Variants in VPS26C observed in about 807,000 individuals in gnomAD.
The protein encoded by VPS26C is vacuolar protein sorting-associated protein 26C.
A neutral mutation model predicts 30.6 loss-of-function variants in VPS26C; 19 were observed. The ratio of observed to expected loss-of-function variants is 0.62; its 90% confidence interval spans 0.43 to 0.91. The LOEUF (loss-of-function observed/expected upper bound fraction) is 0.91. Ranked by LOEUF, VPS26C falls within the 40% of genes least tolerant of loss-of-function variation. The probability of loss-of-function intolerance (pLI) is 0.00; values close to 1 mark genes in which losing one functional copy is unlikely to be tolerated. For missense variants in VPS26C, 318 were observed against 385.1 expected (o/e 0.83, Z 1.46); for synonymous variants, 132 against 151.5 (o/e 0.87, Z 0.95).
chr21:37,233,365 G>A lies in VPS26C; in HGVS notation c.429C>T (p.Ser143=), dbSNP rs373850988. ...AGAGTCCCCGAGTGAAGCTTACAGC[G>A]GAGTGAACGATAAATTCACAGGTCT... ...LTKTCEFIVH[S]APQKGKFTPS... The change falls in exon 4 of 8, where the codon TCC becomes TCT. Residue 143 remains serine, a synonymous_variant. Transcript: ENST00000309117. The surrounding 1 kb of genome is among the most constrained non-coding windows in gnomAD (Gnocchi z 5.2). 83 of 1,613,514 alleles carry A rather than the reference G, an allele frequency of 5.1e-5. 1 individual carries two copies. The highest frequency in any genetic ancestry group is 2.7e-4 in the South Asian group (25 of 91,074).
rs947122275 is a variant in VPS26C at position 37,254,889 on chromosome 21, C to T, written c.57+12349G>A. Among the ~76,000 whole-genome samples, 5 of 151,716 alleles carry T rather than the reference C, an allele frequency of 3.3e-5. No homozygotes were observed. The South Asian group carries it at 6.2e-4, about 19-fold the overall frequency. On this transcript the variant is annotated intron_variant, in intron 1 of 7. Coordinates refer to ENST00000309117, the MANE Select transcript of VPS26C (RefSeq NM_006052.2). ...TAGATCACGTGTTAATTAAGCAGTA[C>T]GGAACAGGGTCTCTGCTTCAGGTTA...
In VPS26C at chr21:37,233,272, G is replaced by C. The variant is rs1372704647; in HGVS notation, c.432+90C>G. The C allele has an allele frequency of 2.6e-6, 3 of 1,151,950 alleles. No individual in the cohort carries two copies. Among genetic ancestry groups the C allele is most frequent in the African/African-American group, 1.5e-5 (1 of 65,936 alleles). The allele number at this position is 1,151,950 out of a possible 1,614,324, so 71.4% of individuals were successfully genotyped here. ...GCCAGCACCCGTGAAACAGTAAGAGGCTAAATGGTGAGCTTGTAAATAGGG... is the reference window on the plus strand; with the variant it reads ...GCCAGCACCCGTGAAACAGTAAGAGCCTAAATGGTGAGCTTGTAAATAGGG... On this transcript the variant is annotated intron_variant, in intron 4 of 7. Coordinates refer to ENST00000309117, the MANE Select transcript of VPS26C (RefSeq NM_006052.2). The surrounding 1 kb of genome is among the most constrained non-coding windows in gnomAD (Gnocchi z 5.2).
At chr21:37,243,148 G>C (rs1034657388) in intron 1 of VPS26C, among the ~76,000 whole-genome samples, 12 of 152,048 alleles carry the variant, frequency 7.9e-5, no homozygotes, top group African/African-American at 2.9e-4. Context: ...AGACATTAAG[G>C]AAAACCCAAG....
chr21:37,244,411 G>C (rs554802942), intron 1 of VPS26C, among the ~76,000 whole-genome samples: 1 of 152,086 alleles, frequency 6.6e-6, no homozygotes, highest in African/African-American at 2.4e-5. Flanking sequence ...CTAATTTTTT[G>C]TATTGTTAGT....
At chr21:37,258,559 T>C (rs764156) in intron 1 of VPS26C, among the ~76,000 whole-genome samples, 4,332 of 152,296 alleles carry the variant, frequency 0.028, 204 homozygotes, top group African/African-American at 0.1. Context: ...TCTCCTTTTT[T>C]CTTCCTTTGT....
intron 1 of VPS26C, among the ~76,000 whole-genome samples, chr21:37,258,458 C>T (rs2086269605): frequency 6.6e-6 from 1 of 152,244 alleles, no homozygotes; most frequent in Admixed American, 6.5e-5. Context: ...ACCTGATGAA[C>T]GCGCGGTGGG....
At chr21:37,245,847 G>A (rs1466945684) in intron 1 of VPS26C, among the ~76,000 whole-genome samples, 5 of 152,292 alleles carry the variant, frequency 3.3e-5, no homozygotes, top group Non-Finnish European at 5.9e-5. Context: ...AGAGCTCAGG[G>A]AGGAAATGGT....
At chr21:37,229,379 C>A (rs73220511) in intron 5 of VPS26C, 1 of 152,024 alleles carries the variant, frequency 6.6e-6, no homozygotes, top group Admixed American at 6.6e-5. Context: ...CCATCCTGGC[C>A]GGTGGGCTGT....
At chr21:37,246,829 C>T (rs929271271) in intron 1 of VPS26C, among the ~76,000 whole-genome samples, 4 of 152,186 alleles carry the variant, frequency 2.6e-5, no homozygotes, top group African/African-American at 9.7e-5. Context: ...GTGATCATAG[C>T]TCACTGCAAC....
intron 1 of VPS26C, among the ~76,000 whole-genome samples, chr21:37,245,638 C>T (rs1315230515): frequency 6.6e-6 from 1 of 152,200 alleles, no homozygotes; most frequent in African/African-American, 2.4e-5. Context: ...TGCCCCTGAA[C>T]ATAAACTCCA....
rs769897716 is a variant in VPS26C at position 37,267,332 on chromosome 21, C to A, written c.-38G>T. 11 of 1,597,316 alleles carry A rather than the reference C, an allele frequency of 6.9e-6. No homozygotes were observed. In the South Asian group the frequency reaches 1.2e-4, roughly 18 times the overall value. ...GCAGCAGCCGCCACTTCCGGCTGCG[C>A]GTGACCCCAGGGAAACAAGGGGCGC... On this transcript the variant is annotated 5_prime_UTR_variant, in exon 1 of 8. Coordinates refer to ENST00000309117, the MANE Select transcript of VPS26C (RefSeq NM_006052.2).
intron 1 of VPS26C, among the ~76,000 whole-genome samples, chr21:37,254,871 C>T (rs988477585): frequency 1.3e-5 from 2 of 151,922 alleles, no homozygotes; most frequent in Admixed American, 1.3e-4. Flanking sequence ...GGGTAGATCA[C>T]GTGTTAATTA....
At chr21:37,240,353 G>C (rs2086072369) in intron 2 of VPS26C, 143 bp downstream of exon 2, 7 of 843,984 alleles carry the variant, frequency 8.3e-6, no homozygotes, top group Admixed American at 5.5e-5. Flanking sequence ...TCAAACTCCT[G>C]GGCTCAAGCG....
At chr21:37,238,960 G>C (rs376007056) in intron 2 of VPS26C, among the ~76,000 whole-genome samples, 1 of 152,216 alleles carries the variant, frequency 6.6e-6, no homozygotes, top group East Asian at 1.9e-4. Context: ...CTGGCTAACA[G>C]GGTTGACGTG....
At chr21:37,247,709 C>A (rs2086151164) in intron 1 of VPS26C, among the ~76,000 whole-genome samples, 2 of 152,094 alleles carry the variant, frequency 1.3e-5, no homozygotes, top group South Asian at 4.2e-4. Context: ...CAGAGAAGCA[C>A]CTAAAATGGC....
chr21:37,261,419 T>C (rs2086302494), intron 1 of VPS26C: 1 of 152,190 alleles, frequency 6.6e-6, no homozygotes, highest in African/African-American at 2.4e-5. Context: ...TCTAAGTCCT[T>C]AGTCCATTTT....
intron 1 of VPS26C, among the ~76,000 whole-genome samples, chr21:37,246,636 C>T (rs2086140475): frequency 6.6e-6 from 1 of 152,140 alleles, no homozygotes; most frequent in Non-Finnish European, 1.5e-5. Flanking sequence ...AAATATAAGT[C>T]CTGACAATGT....
Position 37,228,386 on chromosome 21 carries a change from G to T in VPS26C, c.508-13C>A. 1.2e-6 allele frequency: 2 copies of T among 1,613,586 alleles called. No homozygotes were observed. The highest frequency in any genetic ancestry group is 1.7e-6 in the Non-Finnish European group (2 of 1,179,804). Reference sequence around the variant, plus strand: ...GAAGCAAAGCTCTCTAAAACAAAATGAAAACAAATACATCAGAATGCAGGC... The same window carrying T: ...GAAGCAAAGCTCTCTAAAACAAAATTAAAACAAATACATCAGAATGCAGGC... On this transcript the variant is annotated splice_polypyrimidine_tract_variant and intron_variant, in intron 5 of 7. Transcript: ENST00000309117.
chr21:37,242,476 T>A (rs2086097353), intron 1 of VPS26C, among the ~76,000 whole-genome samples: 1 of 151,886 alleles, frequency 6.6e-6, no homozygotes, highest in African/African-American at 2.4e-5. Context: ...GGTGGTGTGC[T>A]CAGGAAGCTG....
Sources: allele counts gnomAD v4.1 joint callset (sites outside exome capture counted in the v4.1 genomes callset), GRCh38; gene constraint gnomAD v4.1.1; non-coding constraint Gnocchi (gnomAD v3.1); transcripts MANE v1.5; gene names NCBI Gene and HGNC (gene_info 2026-07-23, HGNC 2026-07-21).